ZFPM2: variants seen among roughly 807,000 people sequenced by gnomAD.
ZFPM2 encodes the protein zinc finger protein ZFPM2.
Under a neutral mutation model 98.6 loss-of-function variants are expected in ZFPM2, and 20 were observed. The observed-to-expected ratio is 0.20, with a 90% CI of 0.14 to 0.29. The LOEUF (loss-of-function observed/expected upper bound fraction) is 0.29. ZFPM2 is among the 10% of genes least tolerant of loss of function. The pLI, the probability that ZFPM2 is intolerant of heterozygous loss-of-function variation, is 1.00. For synonymous variants in ZFPM2, 518 were observed against 502.7 expected (o/e 1.03, Z -0.41); for missense variants, 1,310 against 1,388.6 (o/e 0.94, Z 0.90).
chr8:105,796,153 T>G (rs1318882025), intron 6 of ZFPM2, among the ~76,000 whole-genome samples: 1 of 152,226 alleles, frequency 6.6e-6, no homozygotes, highest in African/African-American at 2.4e-5. Flanking sequence ...ATGGTAAATG[T>G]ACTTATTTTC....
chr8:105,588,965 A>G (rs1815786391), intron 4 of ZFPM2, among the ~76,000 whole-genome samples: 1 of 152,212 alleles, frequency 6.6e-6, no homozygotes, highest in Admixed American at 6.5e-5. Flanking sequence ...TATAGTGTAC[A>G]CAGTTGAATG....
chr8:105,635,756 G>A (rs1434843240), intron 5 of ZFPM2, among the ~76,000 whole-genome samples: 1 of 152,170 alleles, frequency 6.6e-6, no homozygotes, highest in Non-Finnish European at 1.5e-5. Context: ...TATCTTCATT[G>A]TATCAATATA....
chr8:105,641,089 C>T (rs1816940894), intron 5 of ZFPM2, among the ~76,000 whole-genome samples: 1 of 151,920 alleles, frequency 6.6e-6, no homozygotes, highest in Admixed American at 6.6e-5. Context: ...TATCTGTTAT[C>T]AGGAATACAG....
At chr8:105,441,357 C>G (rs2130192975) in intron 2 of ZFPM2, among the ~76,000 whole-genome samples, 1 of 149,598 alleles carries the variant, frequency 6.7e-6, no homozygotes, top group African/African-American at 2.5e-5. Flanking sequence ...GAGGGAATTT[C>G]ATTGGTATTC....
chr8:105,421,532 G>T (rs1465223480), intron 2 of ZFPM2, among the ~76,000 whole-genome samples: 2 of 152,122 alleles, frequency 1.3e-5, no homozygotes, highest in African/African-American at 4.8e-5. Context: ...AAGTCAGTTG[G>T]AACTGGTAGA....
intron 3 of ZFPM2, among the ~76,000 whole-genome samples, chr8:105,488,871 T>G (rs1468382163): frequency 6.6e-6 from 1 of 152,188 alleles, no homozygotes; most frequent in African/African-American, 2.4e-5. Context: ...TGTCTTCCAA[T>G]GTTGGAAGCC....
intron 4 of ZFPM2, among the ~76,000 whole-genome samples, chr8:105,594,247 C>T (rs1815915401): frequency 6.6e-6 from 1 of 152,038 alleles, no homozygotes; most frequent in Non-Finnish European, 1.5e-5. Flanking sequence ...GTTGTTGTCT[C>T]TTGTGTTTGA....
intron 5 of ZFPM2, among the ~76,000 whole-genome samples, chr8:105,755,078 A>T (rs1812568183): frequency 6.6e-6 from 1 of 152,114 alleles, no homozygotes; most frequent in Non-Finnish European, 1.5e-5. Flanking sequence ...GAAGTTATTT[A>T]GTTGAATGAA....
chr8:105,339,527 A>G (rs1200862701), intron 1 of ZFPM2, among the ~76,000 whole-genome samples: 3 of 151,874 alleles, frequency 2.0e-5, no homozygotes, highest in South Asian at 2.1e-4. Flanking sequence ...AAAGAAATCA[A>G]ATTGCTAGAG....
At chr8:105,495,616 T>A (rs907477482) in intron 3 of ZFPM2, among the ~76,000 whole-genome samples, 2 of 152,212 alleles carry the variant, frequency 1.3e-5, no homozygotes, top group African/African-American at 4.8e-5. Context: ...TCTTCCTCCT[T>A]TTAAGGATAT....
At chr8:105,773,783 TAGTC>T (rs1484143239) in intron 5 of ZFPM2, among the ~76,000 whole-genome samples, 3 of 152,064 alleles carry the variant, frequency 2.0e-5, no homozygotes, top group African/African-American at 7.2e-5. Flanking sequence ...AGTTTGATCT[TAGTC>T]ATCTTTAAAC....
chr8:105,336,754 A>T (rs1812335085), intron 1 of ZFPM2, among the ~76,000 whole-genome samples: 1 of 151,096 alleles, frequency 6.6e-6, no homozygotes, highest in African/African-American at 2.4e-5. Flanking sequence ...AGACATACAC[A>T]CTATATATAT....
intron 1 of ZFPM2, among the ~76,000 whole-genome samples, chr8:105,416,016 G>A (rs148187009): frequency 3.3e-5 from 5 of 151,820 alleles, no homozygotes; most frequent in African/African-American, 4.8e-5. Context: ...AAACATATAG[G>A]TGCTTCTTTT....
At chr8:105,757,954 G>T (rs1812643174) in intron 5 of ZFPM2, among the ~76,000 whole-genome samples, 1 of 152,044 alleles carries the variant, frequency 6.6e-6, no homozygotes, top group African/African-American at 2.4e-5. Context: ...ATATCCACAT[G>T]AAACTCCAAA....
chr8:105,675,738 A>G (rs556634241), intron 5 of ZFPM2, among the ~76,000 whole-genome samples: 1 of 152,330 alleles, frequency 6.6e-6, no homozygotes, highest in East Asian at 1.9e-4. Flanking sequence ...TCAGGCCACT[A>G]GATTTACAAT....
At chr8:105,721,343 C>G (rs1297690334) in intron 5 of ZFPM2, among the ~76,000 whole-genome samples, 1 of 151,946 alleles carries the variant, frequency 6.6e-6, no homozygotes, top group Non-Finnish European at 1.5e-5. Flanking sequence ...ATAACTGCCC[C>G]AAGGCACAGC....
Position 105,354,040 on chromosome 8 carries a change from A to G in ZFPM2, c.40+35059A>G, listed in dbSNP as rs754703293. 1.0e-3 allele frequency among the ~76,000 whole-genome samples: 152 copies of G among 152,192 alleles called. 1 individual carries two copies. Among genetic ancestry groups the G allele is most frequent in the Non-Finnish European group, 1.8e-3 (120 of 68,036 alleles). On this transcript the variant is annotated intron_variant, in intron 1 of 7. Transcript: ENST00000407775. ...TGTGGTACTCTAAGCAAGCAAATAA[A>G]AAAAAGTAAACCTCAGTGGAGAGCA...
intron 5 of ZFPM2, among the ~76,000 whole-genome samples, chr8:105,704,523 A>T (rs1412708947): frequency 6.6e-6 from 1 of 152,220 alleles, no homozygotes; most frequent in Non-Finnish European, 1.5e-5. Context: ...ACCCCTGCCA[A>T]GGTGAATGAA....
At chr8:105,513,755 G>A (rs1338398140) in intron 3 of ZFPM2, among the ~76,000 whole-genome samples, 1 of 152,062 alleles carries the variant, frequency 6.6e-6, no homozygotes, top group African/African-American at 2.4e-5. Flanking sequence ...GCTTTAAAAA[G>A]GTATTGAATT....
Sources: allele counts gnomAD v4.1 joint callset (sites outside exome capture counted in the v4.1 genomes callset), GRCh38; gene constraint gnomAD v4.1.1; transcripts MANE v1.5; gene names NCBI Gene and HGNC (gene_info 2026-07-23, HGNC 2026-07-21).